Variants in GLIS1 observed in about 807,000 individuals in gnomAD.
GLIS1 encodes GLIS family zinc finger 1.
Under a neutral mutation model 63.8 loss-of-function variants are expected in GLIS1, and 24 were observed. The observed-to-expected ratio is 0.38, with a 90% CI of 0.27 to 0.53. The LOEUF (loss-of-function observed/expected upper bound fraction) is 0.53. GLIS1 is among the 20% of genes least tolerant of loss of function. The pLI is 0.85. For synonymous variants in GLIS1, 450 were observed against 482.5 expected, an observed-to-expected ratio of 0.93 and a Z score of 0.88; for missense variants, 1,036 against 1,074.1, an observed-to-expected ratio of 0.96 and a Z score of 0.50.
chr1:53,640,920 C>T (rs986829091), intron 2 of GLIS1, among the ~76,000 whole-genome samples: 20 of 152,064 alleles, frequency 1.3e-4, no homozygotes, highest in African/African-American at 3.9e-4. Flanking sequence ...ATTAAGAAGA[C>T]GTGGGGGAAA....
At chr1:53,682,337 G>A (rs1289960828) in intron 2 of GLIS1, among the ~76,000 whole-genome samples, 2 of 152,256 alleles carry the variant, frequency 1.3e-5, no homozygotes, top group East Asian at 3.8e-4. Flanking sequence ...GGGATGAAAG[G>A]TGCATCAGGC....
intron 2 of GLIS1, among the ~76,000 whole-genome samples, chr1:53,619,668 C>T (rs1645520638): frequency 6.6e-6 from 1 of 152,242 alleles, no homozygotes. Context: ...GCCCAGGGCT[C>T]CAGTGATCAC....
At chr1:53,623,583 G>A (rs903768910) in intron 2 of GLIS1, among the ~76,000 whole-genome samples, 2 of 152,122 alleles carry the variant, frequency 1.3e-5, no homozygotes, top group African/African-American at 4.8e-5. Context: ...GATGGAAAAA[G>A]AAGCATAACT....
intron 6 of GLIS1, among the ~76,000 whole-genome samples, 167 bp from the exon 7 acceptor site, chr1:53,520,933 G>T (rs566943512): frequency 6.6e-6 from 1 of 152,376 alleles, no homozygotes; most frequent in South Asian, 2.1e-4. Context: ...TGTACATCGT[G>T]AAGATGTTGT....
rs187885167 is a variant in GLIS1, at chr1:53,648,949, G to A, written c.260-48671C>T. Among the ~76,000 whole-genome samples, 9 of 152,244 alleles carry A rather than the reference G, an allele frequency of 5.9e-5. No homozygotes were observed. The East Asian group carries it at 9.6e-4, about 16-fold the overall frequency. Reference sequence around the variant, plus strand: ...GATATTCATCGAATTACATACTTACGATTTGTGTACTTTTCTATATACAGT... The same window carrying A: ...GATATTCATCGAATTACATACTTACAATTTGTGTACTTTTCTATATACAGT... On this transcript the variant is annotated intron_variant, in intron 2 of 10. Transcript: ENST00000628545.
At chr1:53,626,600 C>T (rs1645596522) in intron 2 of GLIS1, among the ~76,000 whole-genome samples, 1 of 152,196 alleles carries the variant, frequency 6.6e-6, no homozygotes, top group African/African-American at 2.4e-5. Context: ...GTTTTCTGCT[C>T]GCTGAGGGCA....
intron 10 of GLIS1, among the ~76,000 whole-genome samples, chr1:53,508,301 A>G (rs1644258198): frequency 6.6e-6 from 1 of 152,188 alleles, no homozygotes; most frequent in South Asian, 2.1e-4. Flanking sequence ...ACGTGGACCC[A>G]CAGGGTGGTA....
chr1:53,653,901 G>A (rs985265984), intron 2 of GLIS1, among the ~76,000 whole-genome samples: 21 of 152,312 alleles, frequency 1.4e-4, no homozygotes, highest in Non-Finnish European at 2.6e-4. Flanking sequence ...AAGTGCTCCC[G>A]AAGGAGAAGT....
At chr1:53,723,890 C>T (rs1004048817) in intron 2 of GLIS1, among the ~76,000 whole-genome samples, 7 of 152,156 alleles carry the variant, frequency 4.6e-5, no homozygotes, top group Non-Finnish European at 1.0e-4. Context: ...CTGCCATTCC[C>T]GTTTAAGCTG....
intron 2 of GLIS1, among the ~76,000 whole-genome samples, chr1:53,617,073 C>A (rs1427765402): frequency 6.6e-6 from 1 of 152,080 alleles, no homozygotes; most frequent in African/African-American, 2.4e-5. Context: ...AGCCTAGGCC[C>A]TAGGCTGGAG....
At chr1:53,549,997 T>C (rs1644742536) in intron 4 of GLIS1, among the ~76,000 whole-genome samples, 1 of 152,178 alleles carries the variant, frequency 6.6e-6, no homozygotes, top group Non-Finnish European at 1.5e-5. Flanking sequence ...CCCCTGTGGC[T>C]GGCATGGGGT....
At chr1:53,678,901 C>G (rs1322779888) in intron 2 of GLIS1, among the ~76,000 whole-genome samples, 1 of 152,218 alleles carries the variant, frequency 6.6e-6, no homozygotes, top group Admixed American at 6.5e-5. Flanking sequence ...AACTTTCCAG[C>G]CCACTTCTGC....
At chr1:53,716,180 T>C (rs930303504) in intron 2 of GLIS1, among the ~76,000 whole-genome samples, 2 of 152,188 alleles carry the variant, frequency 1.3e-5, no homozygotes, top group South Asian at 4.1e-4. Flanking sequence ...AGATACAGAC[T>C]GGGCTCTTTC....
chr1:53,643,396 C>G (rs1295327913), intron 2 of GLIS1, among the ~76,000 whole-genome samples: 2 of 152,342 alleles, frequency 1.3e-5, no homozygotes, highest in Non-Finnish European at 2.9e-5. Context: ...GGTGGAGTCA[C>G]CTGAACTTGA....
At chr1:53,626,755 T>C (rs571928556) in intron 2 of GLIS1, among the ~76,000 whole-genome samples, 1 of 152,166 alleles carries the variant, frequency 6.6e-6, no homozygotes, top group African/African-American at 2.4e-5. Flanking sequence ...TACACATCCT[T>C]GCTCTGCTCC....
intron 2 of GLIS1, among the ~76,000 whole-genome samples, chr1:53,638,490 G>A (rs1645750954): frequency 2.0e-5 from 3 of 152,206 alleles, no homozygotes; most frequent in Non-Finnish European, 4.4e-5. Flanking sequence ...GAATCTAGCT[G>A]TGACCAAGCC....
chr1:53,642,960 G>C (rs1245813087), intron 2 of GLIS1, among the ~76,000 whole-genome samples: 1 of 152,192 alleles, frequency 6.6e-6, no homozygotes, highest in African/African-American at 2.4e-5. Flanking sequence ...AAACAACTCA[G>C]GAATTGTGAG....
chr1:53,671,584 A>G (rs1570022637), intron 2 of GLIS1, among the ~76,000 whole-genome samples: 1 of 152,258 alleles, frequency 6.6e-6, no homozygotes, highest in South Asian at 2.1e-4. Context: ...TTCACTAAAT[A>G]TAAGAACGGT....
At chr1:53,512,456 G>A (rs1644306529) in intron 8 of GLIS1, among the ~76,000 whole-genome samples, 1 of 152,186 alleles carries the variant, frequency 6.6e-6, no homozygotes, top group African/African-American at 2.4e-5. Context: ...ATTTTTGAGT[G>A]AATCAGATAA....
Sources: allele counts gnomAD v4.1 joint callset (sites outside exome capture counted in the v4.1 genomes callset), GRCh38; gene constraint gnomAD v4.1.1; transcripts MANE v1.5; gene names NCBI Gene and HGNC (gene_info 2026-07-23, HGNC 2026-07-21).